Variants in ACACA observed in about 807,000 individuals in gnomAD.
The protein encoded by ACACA is acetyl-CoA carboxylase 1.
In ACACA, 103 loss-of-function variants were observed where a neutral mutation model predicts 296.1. The observed-to-expected ratio is 0.35, with a 90% CI of 0.30 to 0.41. ACACA has a LOEUF of 0.41. Ranked by LOEUF, ACACA falls within the 10% of genes least tolerant of loss-of-function variation. ACACA has a pLI of 1.00. For synonymous variants in ACACA, 953 were observed against 1,038.6 expected, an observed-to-expected ratio of 0.92 and a Z score of 1.58; for missense variants, 1,554 against 2,989.7, an observed-to-expected ratio of 0.52 and a Z score of 11.20.
intron 38 of ACACA, among the ~76,000 whole-genome samples, chr17:37,190,664 G>C (rs1416279486): frequency 2.6e-5 from 4 of 152,166 alleles, no homozygotes; most frequent in African/African-American, 7.2e-5. Context: ...AGATAGGTTA[G>C]ACACTTTGAG....
chr17:37,268,210 T>C lies in ACACA; in HGVS notation c.1119+2541A>G, dbSNP rs1052004414. On this transcript the variant is annotated intron_variant, in intron 10 of 55. Coordinates refer to ENST00000616317, the MANE Select transcript of ACACA (RefSeq NM_198834.3). ...TTCTTCTTGGTTTTCAATCATCTAATTTTGTATGCCTATTTTCAATTGAGT... is the reference window on the plus strand; with the variant it reads ...TTCTTCTTGGTTTTCAATCATCTAACTTTGTATGCCTATTTTCAATTGAGT... Among the ~76,000 whole-genome samples, 17 of 152,200 alleles carry C rather than the reference T, an allele frequency of 1.1e-4. 1 individual carries two copies. In the East Asian group the frequency reaches 3.3e-3, roughly 29 times the overall value.
rs1239595217 is a variant in ACACA, at chr17:37,130,123, G to A, written c.5775C>T (p.Asp1925=). The stretch of plus-strand genomic sequence containing the variant: ...GCAGGACAGTGAAAACCCCTTCAAA[G>A]TCATCACACACAGTGCAGTGGGTCA... ...NGVTHCTVCD[D]FEGVFTVLHW... Residue 1925 remains aspartate, a synonymous_variant, in exon 46 of 56, where the codon GAC becomes GAT. Transcript: ENST00000616317. 1 of 1,614,058 alleles carries A rather than the reference G, an allele frequency of 6.2e-7. No homozygotes were observed. The highest frequency in any genetic ancestry group is 8.5e-7 in the Non-Finnish European group (1 of 1,180,034).
chr17:37,174,717 G>C (rs2077043887), intron 41 of ACACA, among the ~76,000 whole-genome samples: 2 of 151,746 alleles, frequency 1.3e-5, no homozygotes, highest in African/African-American at 4.8e-5. Flanking sequence ...ATTTTTAGTA[G>C]AGACAGGGTT....
intron 1 of ACACA, among the ~76,000 whole-genome samples, chr17:37,382,285 T>A (rs1405504025): frequency 6.6e-6 from 1 of 152,074 alleles, no homozygotes; most frequent in Non-Finnish European, 1.5e-5. Context: ...GGACAGTGGT[T>A]CTTAACCTCA....
intron 10 of ACACA, 108 bp downstream of exon 10, chr17:37,270,643 A>T: frequency 1.1e-6 from 1 of 872,392 alleles, no homozygotes; most frequent in Non-Finnish European, 1.9e-6. Flanking sequence ...GCTATAGACA[A>T]AATTAAAAAT....
intron 3 of ACACA, among the ~76,000 whole-genome samples, chr17:37,296,088 C>T (rs1391430208): frequency 6.6e-6 from 1 of 152,102 alleles, no homozygotes; most frequent in East Asian, 1.9e-4. Context: ...GGTATACACC[C>T]TGTGTAAATA....
chr17:37,099,545 G>GGGAGGGCTGATGGCA (rs1425325469), intron 52 of ACACA, among the ~76,000 whole-genome samples: 4 of 97,716 alleles, frequency 4.1e-5, no homozygotes, highest in Non-Finnish European at 5.8e-5. Flanking sequence ...GGCTGATGGC[G>GGGAGGGCTGATGGCA]GGAGGGCTGA....
chr17:37,191,407 C>T lies in ACACA; in HGVS notation c.4417-132G>A, dbSNP rs142409806. On this transcript the variant is annotated intron_variant, in intron 37 of 55. Coordinates refer to ENST00000616317, the MANE Select transcript of ACACA (RefSeq NM_198834.3). ...TGGTGAAGAGATTGTTTATCTTTCT[C>T]CCTAGAGTCAGTCCAGTAACCACAG... 1.7e-3 allele frequency: 1,648 copies of T among 956,284 alleles called. 6 individuals carry two copies. The highest frequency in any genetic ancestry group is 7.9e-3 in the Middle Eastern group (25 of 3,170). 59.2% of individuals were successfully genotyped at this position (956,284 alleles called of 1,614,324 possible).
At chr17:37,331,004 G>C (rs1041120810) in intron 2 of ACACA, among the ~76,000 whole-genome samples, 4 of 152,056 alleles carry the variant, frequency 2.6e-5, no homozygotes, top group African/African-American at 9.7e-5. Flanking sequence ...CAAACTCTTT[G>C]GGCTCAAGTG....
intron 2 of ACACA, among the ~76,000 whole-genome samples, chr17:37,337,704 T>C (rs1048650911): frequency 5.3e-5 from 8 of 151,704 alleles, no homozygotes; most frequent in Admixed American, 3.9e-4. Flanking sequence ...CCTCCCACCT[T>C]GGCCTCCCAA....
chr17:37,218,404 G>A (rs1235277100), intron 29 of ACACA, among the ~76,000 whole-genome samples: 1 of 152,160 alleles, frequency 6.6e-6, no homozygotes, highest in African/African-American at 2.4e-5. Context: ...GGTTAAATAA[G>A]ATGTTATTTG....
At chr17:37,321,381 T>G (rs2047346841) in intron 3 of ACACA, among the ~76,000 whole-genome samples, 1 of 152,104 alleles carries the variant, frequency 6.6e-6, no homozygotes, top group East Asian at 1.9e-4. Flanking sequence ...TCCCAGCACT[T>G]TGGGAGGCCA....
chr17:37,129,528 A>C, intron 46 of ACACA, 43 bp from the exon 47 acceptor site: 5 of 1,612,586 alleles, frequency 3.1e-6, no homozygotes, highest in Non-Finnish European at 4.2e-6. Context: ...AGTGAACGAC[A>C]GCCCTAGACT....
intron 1 of ACACA, among the ~76,000 whole-genome samples, chr17:37,376,815 C>A (rs1046771627): frequency 2.6e-5 from 4 of 152,000 alleles, no homozygotes; most frequent in Non-Finnish European, 4.4e-5. Context: ...ATTAGCCAGG[C>A]ATGGTGGCAT....
rs2051537487 is a variant in ACACA at position 37,406,813 on chromosome 17, C to A, written c.-514G>T. ...GGCGCTCAGCACCCGGCGGGGGCCT[C>A]CACGGCCGAGGGGCGGAGGCGGCGG... On this transcript the variant is annotated 5_prime_UTR_variant, in exon 1 of 56. Transcript: ENST00000616317. 1 of 148,948 alleles carries A rather than the reference C, an allele frequency of 6.7e-6. No individual in the cohort carries two copies. Among genetic ancestry groups the A allele is most frequent in the Non-Finnish European group, 1.5e-5 (1 of 66,990 alleles). 9.2% of individuals were successfully genotyped at this position (148,948 alleles called of 1,614,324 possible). A position where few individuals can be genotyped will look rare whatever the true frequency, so the allele number is the denominator to read the frequency against.
At chr17:37,195,876 T>C (rs2077972899) in intron 35 of ACACA, among the ~76,000 whole-genome samples, 1 of 152,138 alleles carries the variant, frequency 6.6e-6, no homozygotes. Flanking sequence ...ATTCTACTAG[T>C]GTCATGGGCA....
chr17:37,215,401 T>C (rs2078937177), intron 29 of ACACA, among the ~76,000 whole-genome samples: 1 of 152,174 alleles, frequency 6.6e-6, no homozygotes, highest in Admixed American at 6.5e-5. Flanking sequence ...GTTAAAAAGA[T>C]TACTCATGTT....
At chr17:37,386,154 G>A (rs1454749815) in intron 1 of ACACA, 3 of 1,407,198 alleles carry the variant, frequency 2.1e-6, no homozygotes, top group South Asian at 1.2e-5. Flanking sequence ...AAATGACAAA[G>A]TACAGAATAA....
chr17:37,401,856 G>A (rs1481492165), intron 1 of ACACA, among the ~76,000 whole-genome samples: 1 of 152,146 alleles, frequency 6.6e-6, no homozygotes, highest in African/African-American at 2.4e-5. Context: ...CACCGCACCA[G>A]GCCAGAAACT....
Sources: gnomAD v4.1 joint callset for allele counts (sites outside exome capture counted in the v4.1 genomes callset) on GRCh38, gnomAD v4.1.1 for gene constraint, MANE v1.5 for transcripts, NCBI Gene and HGNC (gene_info 2026-07-23, HGNC 2026-07-21) for gene names.